Variants in LRRC37A2 observed in about 807,000 individuals in gnomAD.
LRRC37A2 encodes leucine rich repeat containing 37 member A2.
A neutral mutation model predicts 68.8 loss-of-function variants in LRRC37A2; 9 were observed. That is an observed-to-expected ratio of 0.13 (90% CI 0.08 to 0.23). The LOEUF is 0.23. Among genes scored for constraint, LRRC37A2 ranks in the 10% least tolerant of loss-of-function variants. The pLI, the probability that LRRC37A2 is intolerant of heterozygous loss-of-function variation, is 1.00. For synonymous variants in LRRC37A2, 63 were observed against 367.6 expected, an observed-to-expected ratio of 0.17 and a Z score of 9.48; for missense variants, 168 against 950.4, an observed-to-expected ratio of 0.18 and a Z score of 10.82.
At chr17:46,883,001 CAG>C in the LRRC37A2 span, among the ~76,000 whole-genome samples, 1 of 151,330 alleles carries the variant, frequency 6.6e-6, no homozygotes, top group South Asian at 2.1e-4. Context: ...TTTTTTGAGA[CAG>C]AGTCTCCCTC....
At chr17:46,952,916 C>T in the LRRC37A2 span, 1 of 152,174 alleles carries the variant, frequency 6.6e-6, no homozygotes, top group Non-Finnish European at 1.5e-5. Context: ...TCTTTCCCTG[C>T]CTCTGTTCTC....
the LRRC37A2 span, among the ~76,000 whole-genome samples, chr17:47,024,437 T>C: frequency 2.0e-5 from 3 of 152,128 alleles, no homozygotes; most frequent in Non-Finnish European, 4.4e-5. Context: ...CATGAAATAA[T>C]ACAATTTGGT....
At chr17:46,703,794 A>G in the LRRC37A2 span, among the ~76,000 whole-genome samples, 2 of 147,624 alleles carry the variant, frequency 1.4e-5, no homozygotes, top group Non-Finnish European at 3.0e-5. Flanking sequence ...TTGTGCAACC[A>G]TCACTACCAT....
At chr17:46,947,228 G>A in the LRRC37A2 span, among the ~76,000 whole-genome samples, 1 of 152,188 alleles carries the variant, frequency 6.6e-6, no homozygotes, top group African/African-American at 2.4e-5. Flanking sequence ...TGTGGCCCCA[G>A]GAGTTACTGC....
the LRRC37A2 span, among the ~76,000 whole-genome samples, chr17:46,780,012 C>T: frequency 6.6e-6 from 1 of 152,254 alleles, no homozygotes; most frequent in African/African-American, 2.4e-5. Flanking sequence ...CTACCTCTGC[C>T]TCCCAAAGTG....
chr17:46,914,595 G>A, the LRRC37A2 span, among the ~76,000 whole-genome samples: 47,213 of 138,840 alleles, frequency 0.34, 8,529 homozygotes, highest in South Asian at 0.51. Flanking sequence ...AGGTTGCAGT[G>A]AGCTTAGATC....
the LRRC37A2 span, among the ~76,000 whole-genome samples, chr17:46,986,287 G>A: frequency 6.6e-6 from 1 of 152,170 alleles, no homozygotes; most frequent in South Asian, 2.1e-4. Context: ...ATAGACCAGG[G>A]ATGATGATGA....
At chr17:46,766,390 A>C in the LRRC37A2 span, among the ~76,000 whole-genome samples, 1 of 151,768 alleles carries the variant, frequency 6.6e-6, no homozygotes, top group African/African-American at 2.4e-5. Flanking sequence ...CTGGGCGACA[A>C]AGAGAGACTC....
chr17:46,744,827 T>A, the LRRC37A2 span, among the ~76,000 whole-genome samples: 1 of 152,194 alleles, frequency 6.6e-6, no homozygotes, highest in African/African-American at 2.4e-5. Context: ...GAGCCCTGCC[T>A]TTTTCATGGA....
the LRRC37A2 span, among the ~76,000 whole-genome samples, chr17:46,855,404 G>A: frequency 6.6e-6 from 1 of 152,216 alleles, no homozygotes; most frequent in Admixed American, 6.5e-5. Context: ...AGTGGGACAG[G>A]AGGCGGACCA....
the LRRC37A2 span, among the ~76,000 whole-genome samples, chr17:46,865,258 G>T: frequency 3.3e-5 from 5 of 152,218 alleles, no homozygotes; most frequent in Admixed American, 3.3e-4. Flanking sequence ...CTTGCTGTGC[G>T]AGCTGCTCAC....
the LRRC37A2 span, chr17:46,751,601 C>T: frequency 1.1e-5 from 17 of 1,610,614 alleles, no homozygotes; most frequent in African/African-American, 4.0e-5. Context: ...TAATGCTGAT[C>T]GAGATGTCCC....
the LRRC37A2 span, chr17:47,027,481 T>G: frequency 1.3e-6 from 1 of 750,816 alleles, no homozygotes. Context: ...AATATTATTC[T>G]AAACTCTTGC....
the LRRC37A2 span, among the ~76,000 whole-genome samples, chr17:46,777,067 A>T: frequency 6.6e-6 from 1 of 152,174 alleles, no homozygotes; most frequent in Admixed American, 6.5e-5. Context: ...GAGGCCGACC[A>T]TGCCAGGTGG....
chr17:46,900,192 T>C, the LRRC37A2 span, among the ~76,000 whole-genome samples: 35 of 97,464 alleles, frequency 3.6e-4, no homozygotes, highest in Middle Eastern at 5.2e-3. Context: ...TATATATATA[T>C]ATATATATAT....
the LRRC37A2 span, among the ~76,000 whole-genome samples, chr17:46,769,241 G>A: frequency 6.6e-6 from 1 of 151,670 alleles, no homozygotes; most frequent in Non-Finnish European, 1.5e-5. Context: ...GCTTGAACTC[G>A]GGAGGCGGAG....
chr17:46,724,250 A>G, the LRRC37A2 span, among the ~76,000 whole-genome samples: 8 of 152,222 alleles, frequency 5.3e-5, no homozygotes, highest in Non-Finnish European at 1.2e-4. Flanking sequence ...TTAAGAGTCA[A>G]GATAGGCTGA....
chr17:46,872,916 G>A, the LRRC37A2 span: 1 of 1,076,056 alleles, frequency 9.3e-7, no homozygotes, highest in Non-Finnish European at 1.3e-6. Context: ...GGTCCCAAAT[G>A]AGAAGAGTCA....
chr17:46,747,470 A>G, the LRRC37A2 span, among the ~76,000 whole-genome samples: 1 of 152,026 alleles, frequency 6.6e-6, no homozygotes, highest in East Asian at 1.9e-4. Flanking sequence ...TGTTGAGATG[A>G]GGTTTCGCCA....
Sources: gnomAD v4.1 joint callset for allele counts (sites outside exome capture counted in the v4.1 genomes callset) on GRCh38, gnomAD v4.1.1 for gene constraint, MANE v1.5 for transcripts, NCBI Gene and HGNC (gene_info 2026-07-23, HGNC 2026-07-21) for gene names.